Variants in CPSF3 observed in about 807,000 individuals in gnomAD.
The protein encoded by CPSF3 is cleavage and polyadenylation specificity factor subunit 3.
In CPSF3, 57 loss-of-function variants were observed where a neutral mutation model predicts 84.1. The ratio of observed to expected loss-of-function variants is 0.68; its 90% CI spans 0.55 to 0.85. The LOEUF (loss-of-function observed/expected upper bound fraction) is 0.85, where lower values mean the gene tolerates loss of function less well. Among genes scored for constraint, CPSF3 ranks in the 40% least tolerant of loss-of-function variants. The probability of loss-of-function intolerance (pLI) is 0.00; values close to 1 mark genes in which losing one functional copy is unlikely to be tolerated. For synonymous variants in CPSF3, 275 were observed against 278.1 expected (o/e 0.99, Z 0.11); for missense variants, 522 against 838.8 (o/e 0.62, Z 4.66).
intron 15 of CPSF3, among the ~76,000 whole-genome samples, chr2:9,460,804 AC>A (rs1681704742): frequency 6.6e-6 from 1 of 151,508 alleles, no homozygotes; most frequent in Non-Finnish European, 1.5e-5. Context: ...AAGCCACTGT[AC>A]CCAGCTCTTT....
intron 1 of CPSF3, among the ~76,000 whole-genome samples, chr2:9,425,244 A>T (rs1016895903): frequency 2.0e-5 from 3 of 152,246 alleles, no homozygotes; most frequent in Non-Finnish European, 4.4e-5. Context: ...GAGTTAGCAG[A>T]TGAAGCGACA....
intron 9 of CPSF3, among the ~76,000 whole-genome samples, chr2:9,443,079 C>T (rs1285844303): frequency 2.0e-5 from 3 of 152,112 alleles, no homozygotes; most frequent in African/African-American, 4.8e-5. Flanking sequence ...AGGAGGCTTG[C>T]TTGAACCCAG....
intron 16 of CPSF3, among the ~76,000 whole-genome samples, chr2:9,469,970 T>A (rs1259409353): frequency 6.6e-6 from 1 of 152,210 alleles, no homozygotes; most frequent in Non-Finnish European, 1.5e-5. Flanking sequence ...TCCCAGCACT[T>A]TGGGAAGCCA....
chr2:9,438,434 A>G (rs1286657170), intron 7 of CPSF3, among the ~76,000 whole-genome samples: 1 of 152,084 alleles, frequency 6.6e-6, no homozygotes, highest in Non-Finnish European at 1.5e-5. Context: ...AACTCATTAA[A>G]TTTTAGGTTC....
At position 9,427,574 on chromosome 2, in the gene CPSF3, C is replaced by G. The variant is rs955841437; in HGVS notation, c.51-1191C>G. ...AAAGTGGAAGGCCAGGAATTTATGG[C>G]GGCTCTCATCCACAGTTGTTTGATC... On this transcript the variant is annotated intron_variant, in intron 1 of 17. Coordinates refer to ENST00000238112, the MANE Select transcript of CPSF3 (RefSeq NM_016207.4). Among the ~76,000 whole-genome samples, 9 of 152,134 alleles carry G rather than the reference C, an allele frequency of 5.9e-5. 1 individual carries two copies. The highest frequency in any genetic ancestry group is 1.3e-4 in the Admixed American group (2 of 15,280).
At chr2:9,442,586 C>T (rs1680991073) in intron 9 of CPSF3, among the ~76,000 whole-genome samples, 1 of 152,160 alleles carries the variant, frequency 6.6e-6, no homozygotes, top group African/African-American at 2.4e-5. Context: ...TGCAGTGGCT[C>T]ACACCTGTAA....
intron 1 of CPSF3, among the ~76,000 whole-genome samples, chr2:9,427,574 C>T (rs955841437): frequency 1.3e-5 from 2 of 152,134 alleles, no homozygotes; most frequent in African/African-American, 4.8e-5. Context: ...GAATTTATGG[C>T]GGCTCTCATC....
In CPSF3 at chr2:9,437,800, A is replaced by T. The variant is rs114885950; in HGVS notation, c.760+1439A>T. Among the ~76,000 whole-genome samples the T allele has an allele frequency of 3.2e-3, 488 of 152,342 alleles. 3 individuals are homozygous for T. The highest frequency in any genetic ancestry group is 0.011 in the African/African-American group (464 of 41,580). On this transcript the variant is annotated intron_variant, in intron 7 of 17. Coordinates refer to ENST00000238112, the MANE Select transcript of CPSF3 (RefSeq NM_016207.4). Reference sequence around the variant, plus strand: ...AAGATCACTTGAGCCCAGGAATTTAAGATCAGCCTGGGCAACAAGGCAAGA... The same window carrying T: ...AAGATCACTTGAGCCCAGGAATTTATGATCAGCCTGGGCAACAAGGCAAGA...
intron 11 of CPSF3, among the ~76,000 whole-genome samples, chr2:9,449,381 G>A (rs1009977504): frequency 3.3e-5 from 5 of 152,156 alleles, no homozygotes; most frequent in East Asian, 1.9e-4. Context: ...AGCTGCGATC[G>A]CGCCAATGCA....
chr2:9,466,398 ACACGCACGCGCACACACG>A (rs1558466754), intron 15 of CPSF3, among the ~76,000 whole-genome samples: 1 of 144,430 alleles, frequency 6.9e-6, no homozygotes, highest in Non-Finnish European at 1.5e-5. Flanking sequence ...ACGCGCACAC[ACACGCACGCGCACACACG>A]CACACGCGCA....
At chr2:9,461,059 C>G (rs1235225901) in intron 15 of CPSF3, among the ~76,000 whole-genome samples, 2 of 152,154 alleles carry the variant, frequency 1.3e-5, no homozygotes, top group African/African-American at 4.8e-5. Flanking sequence ...ATCTATAATA[C>G]AAACAAATAA....
At chr2:9,462,454 G>C (rs1681762259) in intron 15 of CPSF3, among the ~76,000 whole-genome samples, 1 of 152,214 alleles carries the variant, frequency 6.6e-6, no homozygotes, top group Non-Finnish European at 1.5e-5. Context: ...TTTAGTGTCT[G>C]AGCTCTGCCA....
intron 1 of CPSF3, among the ~76,000 whole-genome samples, chr2:9,427,214 C>G (rs911637142): frequency 2.6e-5 from 4 of 152,114 alleles, no homozygotes; most frequent in African/African-American, 9.7e-5. Context: ...TGGAAAGTTT[C>G]ATTGTGGAAA....
At chr2:9,432,034 A>G (rs1680605981) in intron 4 of CPSF3, among the ~76,000 whole-genome samples, 2 of 152,148 alleles carry the variant, frequency 1.3e-5, no homozygotes, top group South Asian at 4.1e-4. Context: ...GTCCTTAACC[A>G]CTGTTCTCTC....
At position 9,429,930 on chromosome 2, in the gene CPSF3, G is replaced by A; in HGVS notation, c.122G>A (p.Cys41Tyr). ...TTTTCCTGTTTCTTTCAGCTCGACT[G>A]TGGGATCCACCCTGGCCTAGAAGGA... is the stretch of plus-strand genomic sequence containing the variant. ...EFKGRKIMLD[C>Y]GIHPGLEGMD... Residue 41 changes from cysteine (C) to tyrosine (Y), a missense_variant, in exon 3 of 18, where the codon TGT becomes TAT. Cys to Tyr is a radical substitution (Grantham distance 194). Coordinates refer to ENST00000238112, the MANE Select transcript of CPSF3 (RefSeq NM_016207.4). 1.3e-6 allele frequency: 2 copies of A among 1,594,486 alleles called. No individual in the cohort carries two copies. Among genetic ancestry groups the A allele is most frequent in the Non-Finnish European group, 1.7e-6 (2 of 1,172,508 alleles).
intron 6 of CPSF3, among the ~76,000 whole-genome samples, chr2:9,435,544 C>T (rs1271837940): frequency 6.6e-6 from 1 of 151,670 alleles, no homozygotes; most frequent in Non-Finnish European, 1.5e-5. Context: ...GCCTCAGCCT[C>T]CTGACTAGCT....
At chr2:9,448,151 AGCT>A in intron 10 of CPSF3, 44 bp from the exon 11 acceptor site, 2 of 1,121,128 alleles carry the variant, frequency 1.8e-6, no homozygotes, top group Non-Finnish European at 2.6e-6. Flanking sequence ...ACCATGATTA[AGCT>A]GAATGATGTT....
At chr2:9,449,900 A>G (rs1340898606) in intron 11 of CPSF3, among the ~76,000 whole-genome samples, 1 of 152,210 alleles carries the variant, frequency 6.6e-6, no homozygotes, top group African/African-American at 2.4e-5. Context: ...GTTTAGAAAT[A>G]CTTCTAAGAG....
intron 12 of CPSF3, among the ~76,000 whole-genome samples, chr2:9,454,941 C>T (rs1681472234): frequency 6.6e-6 from 1 of 152,082 alleles, no homozygotes; most frequent in Non-Finnish European, 1.5e-5. Context: ...TGCTCAGTGG[C>T]ATATAGAAGC....
Sources: gnomAD v4.1 joint callset for allele counts (sites outside exome capture counted in the v4.1 genomes callset) on GRCh38, gnomAD v4.1.1 for gene constraint, MANE v1.5 for transcripts, NCBI Gene and HGNC (gene_info 2026-07-23, HGNC 2026-07-21) for gene names.